The following MAGI2 variants were observed in gnomAD, a reference collection of about 807,000 sequenced individuals.
MAGI2 encodes the protein membrane associated guanylate kinase, WW and PDZ domain containing 2.
Under a neutral mutation model 133.3 loss-of-function variants are expected in MAGI2, and 35 were observed. That is an observed-to-expected ratio of 0.26 (90% CI 0.20 to 0.35). MAGI2 has a LOEUF of 0.35. MAGI2 is among the 10% of genes least tolerant of loss of function. The pLI is 1.00. For synonymous variants in MAGI2, 729 were observed against 710.6 expected (o/e 1.03, Z -0.41); for missense variants, 1,636 against 1,863.4 (o/e 0.88, Z 2.25).
chr7:78,561,391 A>G (rs985968931), intron 3 of MAGI2, among the ~76,000 whole-genome samples: 2 of 152,234 alleles, frequency 1.3e-5, no homozygotes, highest in Non-Finnish European at 2.9e-5. Flanking sequence ...GTTGAAATAT[A>G]GGTTAGCATG....
chr7:78,779,059 C>T (rs1319211288), intron 2 of MAGI2, among the ~76,000 whole-genome samples: 1 of 151,924 alleles, frequency 6.6e-6, no homozygotes, highest in Non-Finnish European at 1.5e-5. Context: ...GGCACATGTG[C>T]CACCTTGCCT....
At chr7:78,632,305 T>C (rs943613560) in intron 2 of MAGI2, among the ~76,000 whole-genome samples, 3 of 152,228 alleles carry the variant, frequency 2.0e-5, no homozygotes, top group Admixed American at 2.0e-4. Context: ...TAAATCAGAC[T>C]GTTAGAACCT....
intron 6 of MAGI2, among the ~76,000 whole-genome samples, chr7:78,409,629 TCAAA>T (rs1162182320): frequency 3.9e-5 from 6 of 152,038 alleles, no homozygotes; most frequent in Admixed American, 6.6e-5. Flanking sequence ...TTTTAAAGAG[TCAAA>T]CAGTTTTTCA....
intron 2 of MAGI2, among the ~76,000 whole-genome samples, chr7:78,883,311 C>T (rs557041855): frequency 2.5e-4 from 38 of 151,966 alleles, no homozygotes; most frequent in African/African-American, 9.2e-4. Flanking sequence ...CCAAGGAATA[C>T]ATGTAACCAA....
chr7:78,758,022 G>A (rs970183578), intron 2 of MAGI2, among the ~76,000 whole-genome samples: 1 of 152,110 alleles, frequency 6.6e-6, no homozygotes, highest in Admixed American at 6.6e-5. Context: ...CCACCCCACA[G>A]ATAGCTCTCT....
intron 1 of MAGI2, among the ~76,000 whole-genome samples, chr7:79,377,293 T>C (rs1245467831): frequency 6.6e-6 from 1 of 151,734 alleles, no homozygotes; most frequent in African/African-American, 2.4e-5. Context: ...TTCAGCACAA[T>C]AGGAAACTTG....
intron 6 of MAGI2, among the ~76,000 whole-genome samples, chr7:78,373,261 A>G (rs1339910846): frequency 1.3e-5 from 2 of 152,188 alleles, no homozygotes; most frequent in East Asian, 1.9e-4. Context: ...CAGATGAAGG[A>G]GAATATGGAG....
intron 1 of MAGI2, chr7:79,125,642 T>C (rs1820346879): frequency 1.9e-6 from 1 of 525,256 alleles, no homozygotes; most frequent in Non-Finnish European, 3.8e-6. Flanking sequence ...ACTATGATAA[T>C]TTTGGAAATT....
At chr7:78,517,363 G>A (rs959474074) in intron 4 of MAGI2, among the ~76,000 whole-genome samples, 1 of 152,116 alleles carries the variant, frequency 6.6e-6, no homozygotes. Flanking sequence ...TTACTTTGGG[G>A]AGGTCAGAAG....
chr7:79,194,603 G>A (rs1467944967), intron 1 of MAGI2, among the ~76,000 whole-genome samples: 1 of 151,698 alleles, frequency 6.6e-6, no homozygotes, highest in Non-Finnish European at 1.5e-5. Flanking sequence ...CTAGTTAAAA[G>A]GTTTTTGTAC....
intron 2 of MAGI2, among the ~76,000 whole-genome samples, chr7:79,005,753 T>C (rs988542598): frequency 6.6e-6 from 1 of 152,162 alleles, no homozygotes; most frequent in African/African-American, 2.4e-5. Flanking sequence ...CCCGTTACCT[T>C]ATAAATAGTT....
chr7:78,663,293 G>T (rs918240333), intron 2 of MAGI2, among the ~76,000 whole-genome samples: 2 of 141,134 alleles, frequency 1.4e-5, no homozygotes, highest in Non-Finnish European at 3.0e-5. Context: ...TGCAATATCC[G>T]CCTCCCGGGT....
In MAGI2 at chr7:79,291,237, T is replaced by C. The variant is rs149282996; in HGVS notation, c.301+161783A>G. On this transcript the variant is annotated intron_variant, in intron 1 of 21. Transcript: ENST00000354212. ...TCAAGTTCATGTATGTTGTACTATA[T>C]ATCAGTACTTCATTCCTTTATATGG... 4.2e-4 allele frequency among the ~76,000 whole-genome samples: 64 copies of C among 152,276 alleles called. No individual in the cohort carries two copies. The East Asian group carries it at 0.012, about 28-fold the overall frequency.
intron 21 of MAGI2, among the ~76,000 whole-genome samples, chr7:78,057,416 G>T (rs1236200232): frequency 6.6e-6 from 1 of 152,014 alleles, no homozygotes; most frequent in East Asian, 1.9e-4. Context: ...CTAATTTTTT[G>T]TAATTTTAGC....
chr7:78,750,781 C>T (rs1412155132), intron 2 of MAGI2, among the ~76,000 whole-genome samples: 1 of 152,106 alleles, frequency 6.6e-6, no homozygotes, highest in Non-Finnish European at 1.5e-5. Context: ...AAGCAATATT[C>T]ACACTTCTAA....
chr7:79,220,750 G>A (rs1003274567), intron 1 of MAGI2, among the ~76,000 whole-genome samples: 1 of 152,050 alleles, frequency 6.6e-6, no homozygotes, highest in African/African-American at 2.4e-5. Context: ...GTTGAAACTT[G>A]TGTGTCTTAA....
chr7:79,111,379 C>G (rs1818911299), intron 1 of MAGI2, among the ~76,000 whole-genome samples: 1 of 152,122 alleles, frequency 6.6e-6, no homozygotes, highest in Admixed American at 6.5e-5. Flanking sequence ...TTACAAATGT[C>G]TGTTATGCAT....
At chr7:78,487,220 G>A in intron 6 of MAGI2, 2 of 241,626 alleles carry the variant, frequency 8.3e-6, no homozygotes, top group Non-Finnish European at 1.6e-5. Flanking sequence ...TTGCTACGGA[G>A]TTTCTAAGGC....
Position 79,072,434 on chromosome 7 carries a change from A to G in MAGI2, c.302-65228T>C, listed in dbSNP as rs540232270. Among the ~76,000 whole-genome samples the G allele has an allele frequency of 2.6e-4, 40 of 152,254 alleles. 1 individual carries two copies. In the South Asian group the frequency reaches 7.7e-3, roughly 29 times the overall value. ...CTTCCTAAAGCAGAACTACCCTTCA[A>G]TTTATTTTCAGTTAATTGGTTATAA... is the stretch of plus-strand genomic sequence containing the variant. On this transcript the variant is annotated intron_variant, in intron 1 of 21. Coordinates refer to ENST00000354212, the MANE Select transcript of MAGI2 (RefSeq NM_012301.4).
Sources: gnomAD v4.1 joint callset for allele counts (sites outside exome capture counted in the v4.1 genomes callset) on GRCh38, gnomAD v4.1.1 for gene constraint, MANE v1.5 for transcripts, NCBI Gene and HGNC (gene_info 2026-07-23, HGNC 2026-07-21) for gene names.